The following TAT variants were observed in gnomAD, a reference collection of about 807,000 sequenced individuals.
TAT encodes the protein tyrosine aminotransferase.
In TAT, 35 loss-of-function variants were observed where a neutral mutation model predicts 53.6. That is an observed-to-expected ratio of 0.65 (90% CI 0.50 to 0.87). TAT has a LOEUF of 0.87. Among genes scored for constraint, TAT ranks in the 40% least tolerant of loss-of-function variants. TAT has a pLI of 0.00. For missense variants in TAT, 525 were observed against 571.8 expected (o/e 0.92, Z 0.83); for synonymous variants, 197 against 206.5 (o/e 0.95, Z 0.39).
chr16:71,576,423 G>T lies in TAT; in HGVS notation c.-8C>A. ...AATCATGTATGGGTCCATCACTAGC[G>T]AAGCCTGCGAGGGGAAAGAAGTTCC... On this transcript the variant is annotated 5_prime_UTR_variant, in exon 2 of 12. Coordinates refer to ENST00000355962, the MANE Select transcript of TAT (RefSeq NM_000353.3). The T allele has an allele frequency of 6.2e-7, 1 of 1,613,714 alleles. No individual in the cohort carries two copies. Among genetic ancestry groups the T allele is most frequent in the Non-Finnish European group, 8.5e-7 (1 of 1,179,642 alleles).
intron 7 of TAT, 106 bp downstream of exon 7, chr16:71,571,500 T>C (rs765514944): frequency 1.6e-5 from 17 of 1,054,230 alleles, no homozygotes; most frequent in Non-Finnish European, 2.2e-5. Context: ...GGGATGCTGA[T>C]TTGCTGTAAT....
rs777951499 is a variant in TAT at position 71,570,305 on chromosome 16, C to T, written c.1005G>A (p.Pro335=). 1.7e-5 allele frequency: 27 copies of T among 1,614,028 alleles called. No individual in the cohort carries two copies. The highest frequency in any genetic ancestry group is 3.3e-5 in the Admixed American group (2 of 59,992). ...TCAGAGTGTTGTGGTAAAACTCTCC[C>T]GGGGTGCGACATAGGATGCTTTTCA... ...GALKSILCRT[P]GEFYHNTLSF... The change falls in exon 9 of 12, where the codon CCG becomes CCA. Residue 335 remains proline (P), a synonymous_variant. Transcript: ENST00000355962.
chr16:71,573,645 T>C (rs2044218257), intron 3 of TAT, 39 bp from the exon 4 acceptor site: 1 of 1,529,200 alleles, frequency 6.5e-7, no homozygotes, highest in African/African-American at 1.4e-5. Context: ...TTTTTGGTTT[T>C]TAGAGACTGT....
At chr16:71,575,104 T>C (rs2044226740) in intron 3 of TAT, 1 of 152,238 alleles carries the variant, frequency 6.6e-6, no homozygotes, top group South Asian at 2.1e-4. Context: ...GCTTTTATTT[T>C]TGTTGTATGA....
At position 71,566,490 on chromosome 16, in the gene TAT, A is replaced by C. The variant is rs1027792768; in HGVS notation, c.*1654T>G. On this transcript the variant is annotated 3_prime_UTR_variant, in exon 12 of 12. Transcript: ENST00000355962. The stretch of plus-strand genomic sequence containing the variant: ...TTGCGAAAAAAAAAAAAAAAAAAAA[A>C]CATCTAGGACACTTCTCATTCACTG... 81 of 143,670 alleles carry C rather than the reference A, an allele frequency of 5.6e-4. No individual in the cohort carries two copies. Among genetic ancestry groups the C allele is most frequent in the African/African-American group, 1.9e-3 (73 of 38,944 alleles). The allele number at this position is 143,670 out of a possible 1,614,324, so 8.9% of individuals were successfully genotyped here.
At chr16:71,575,640 G>A in intron 3 of TAT, 1 of 481,872 alleles carries the variant, frequency 2.1e-6, no homozygotes, top group Non-Finnish European at 3.8e-6. Flanking sequence ...ATTAGAATTA[G>A]TAATGATAGG....
At position 71,575,905 on chromosome 16, in the gene TAT, T is replaced by C. The variant is rs895776239; in HGVS notation, c.340+17A>G. On this transcript the variant is annotated intron_variant, in intron 3 of 11. Coordinates refer to ENST00000355962, the MANE Select transcript of TAT (RefSeq NM_000353.3). ...GATTTGGCAGTCACCAGGTATGGAG[T>C]CTCAGGAGGAGCTTACCGATGGATG... 2 of 1,609,648 alleles carry C rather than the reference T, an allele frequency of 1.2e-6. No homozygotes were observed. The highest frequency in any genetic ancestry group is 1.7e-6 in the Non-Finnish European group (2 of 1,176,102).
intron 9 of TAT, 106 bp from the exon 10 acceptor site, chr16:71,570,043 G>A (rs1441421511): frequency 7.5e-7 from 1 of 1,325,654 alleles, no homozygotes; most frequent in East Asian, 2.5e-5. Flanking sequence ...TAGGTGTGAT[G>A]TTCTGGCATA....
At chr16:71,576,779 C>G (rs371445714) in intron 1 of TAT, among the ~76,000 whole-genome samples, 1 of 152,138 alleles carries the variant, frequency 6.6e-6, no homozygotes, top group African/African-American at 2.4e-5. Context: ...TCCATGCGAG[C>G]CTATCCAAGA....
At chr16:71,570,232 C>T in intron 9 of TAT, 37 bp downstream of exon 9, 1 of 1,614,042 alleles carries the variant, frequency 6.2e-7, no homozygotes, top group Non-Finnish European at 8.5e-7. Flanking sequence ...TCTCTGACTC[C>T]CAAACTCCCA....
At chr16:71,574,219 A>G (rs1357282523) in intron 3 of TAT, among the ~76,000 whole-genome samples, 1 of 152,210 alleles carries the variant, frequency 6.6e-6, no homozygotes, top group Non-Finnish European at 1.5e-5. Context: ...TTCTGTGATT[A>G]TATTTTATTC....
At position 71,576,221 on chromosome 16, in the gene TAT, C is replaced by T. The variant is rs2044234124; in HGVS notation, c.195G>A (p.Val65=). 3 of 1,614,192 alleles carry T rather than the reference C, an allele frequency of 1.9e-6. No individual in the cohort carries two copies. The Admixed American group carries it at 5.0e-5, about 27-fold the overall frequency. The change falls in exon 2 of 12, where the codon GTG becomes GTA. Residue 65 remains valine, a synonymous_variant. Coordinates refer to ENST00000355962, the MANE Select transcript of TAT (RefSeq NM_000353.3). ...PIRAIVDNMK[V]KPNPNKTMIS... is the part of the protein sequence containing the mutation. ...TCATGGTTTTGTTTGGATTTGGTTT[C>T]ACCTTCATGTTGTCCACAATGGCTC...
In TAT at chr16:71,576,025, C is replaced by G; in HGVS notation, c.237G>C (p.Gly79=). The G allele has an allele frequency of 1.2e-6, 2 of 1,614,050 alleles. No individual in the cohort carries two copies. Among genetic ancestry groups the G allele is most frequent in the Non-Finnish European group, 1.7e-6 (2 of 1,180,000 alleles). The change falls in exon 3 of 12, where the codon GGG becomes GGC. Residue 79 remains glycine, a splice_region_variant and synonymous_variant. Transcript: ENST00000355962. ...GCAGGTTTCCAAACACAGTAGGGTC[C>G]CCTTTTTATGGGAGGAAAACACAAA... The part of the protein sequence containing the change: ...PNKTMISLSI[G]DPTVFGNLPT...
At position 71,567,970 on chromosome 16, in the gene TAT, G is replaced by A. The variant is rs1426705418; in HGVS notation, c.*174C>T. 2.8e-6 allele frequency: 2 copies of A among 703,688 alleles called. No individual in the cohort carries two copies. Among genetic ancestry groups the A allele is most frequent in the Non-Finnish European group, 5.0e-6 (2 of 401,736 alleles). 43.6% of individuals were successfully genotyped at this position (703,688 alleles called of 1,614,324 possible). ...GGAGAATCTGCGATGTGAATGAGGA[G>A]GATCTGAGTGTGGGTGTGGTTGTAC... On this transcript the variant is annotated 3_prime_UTR_variant, in exon 12 of 12. Transcript: ENST00000355962.
rs1033979701 is a variant in TAT at position 71,566,055 on chromosome 16, C to T, written c.*2089G>A. 6.6e-6 allele frequency: 1 copy of T among 152,094 alleles called. No homozygotes were observed. Among genetic ancestry groups the T allele is most frequent in the African/African-American group, 2.4e-5 (1 of 41,410 alleles). The allele number at this position is 152,094 out of a possible 1,614,324, so 9.4% of individuals were successfully genotyped here. On this transcript the variant is annotated 3_prime_UTR_variant, in exon 12 of 12. Coordinates refer to ENST00000355962, the MANE Select transcript of TAT (RefSeq NM_000353.3). ...TTCCTGTTTATTTCTGGTTAGAGAT[C>T]TTTGGGGGCTTGGATGGAGGAACAG... is the stretch of plus-strand genomic sequence containing the variant.
chr16:71,567,851 G>A lies in TAT; in HGVS notation c.*293C>T, dbSNP rs1458850294. ...TCTCAACTGCTTTCTGGTAAACTTT[G>A]TTCACCTGGTACTTTCAAGAAAAAA... On this transcript the variant is annotated 3_prime_UTR_variant, in exon 12 of 12. Coordinates refer to ENST00000355962, the MANE Select transcript of TAT (RefSeq NM_000353.3). 1 of 408,870 alleles carries A rather than the reference G, an allele frequency of 2.4e-6. No individual in the cohort carries two copies. The highest frequency in any genetic ancestry group is 5.4e-5 in the East Asian group (1 of 18,598). The allele number at this position is 408,870 out of a possible 1,614,324, so 25.3% of individuals were successfully genotyped here.
chr16:71,572,793 C>G (rs999955687), intron 4 of TAT, 105 bp from the exon 5 acceptor site: 1 of 1,319,760 alleles, frequency 7.6e-7, no homozygotes, highest in East Asian at 2.4e-5. Context: ...CTTCCTTTAA[C>G]AAGTTGTAAG....
chr16:71,573,602 G>C lies in TAT; in HGVS notation c.345C>G (p.Phe115Leu). The C allele has an allele frequency of 6.4e-7, 1 of 1,553,310 alleles. No individual in the cohort carries two copies. Among genetic ancestry groups the C allele is most frequent in the Non-Finnish European group, 8.7e-7 (1 of 1,147,750 alleles). Residue 115 changes from phenylalanine to leucine, a missense_variant, in exon 4 of 12, where the codon TTC (phenylalanine) becomes TTG (leucine). Coordinates refer to ENST00000355962, the MANE Select transcript of TAT (RefSeq NM_000353.3). ...AAGCAATCTCCTCCCGACTGGATAG[G>C]AAGCCTGAAAGAAAAGAGTGGAAAG... ...KYNGYAPSIG[F>L]LSSREEIASY...
chr16:71,569,551 G>A (rs576345274), intron 10 of TAT, among the ~76,000 whole-genome samples: 1 of 152,256 alleles, frequency 6.6e-6, no homozygotes, highest in Admixed American at 6.5e-5. Flanking sequence ...ATGTTGCCCA[G>A]GCTGGTCTCT....
Sources: gnomAD v4.1 joint callset for allele counts (sites outside exome capture counted in the v4.1 genomes callset) on GRCh38, gnomAD v4.1.1 for gene constraint, MANE v1.5 for transcripts, NCBI Gene and HGNC (gene_info 2026-07-23, HGNC 2026-07-21) for gene names.